The following XKR9 variants were observed in gnomAD, a reference collection of about 807,000 sequenced individuals.
XKR9 encodes XK related 9.
A neutral mutation model predicts 32.0 loss-of-function variants in XKR9; 32 were observed. The ratio of observed to expected loss-of-function variants is 1.00; its 90% confidence interval spans 0.76 to 1.34. XKR9 has a LOEUF of 1.34. Among genes scored for constraint, XKR9 ranks in the 40% most tolerant of loss-of-function variants. The pLI is 0.00. For missense variants in XKR9, 546 were observed against 429.7 expected (o/e 1.27, Z -2.39); for synonymous variants, 168 against 143.4 (o/e 1.17, Z -1.22).
chr8:70,936,307 C>G, the XKR9 span, among the ~76,000 whole-genome samples: 4 of 151,978 alleles, frequency 2.6e-5, no homozygotes, highest in African/African-American at 9.7e-5. Context: ...AGGTATTTCC[C>G]CAAGTTTACT....
chr8:71,023,108 T>C, the XKR9 span, among the ~76,000 whole-genome samples: 1 of 152,206 alleles, frequency 6.6e-6, no homozygotes, highest in East Asian at 1.9e-4. Flanking sequence ...ATTCTATACA[T>C]TTATTTTTTA....
At chr8:70,739,504 G>C (rs927873510), downstream of XKR9, among the ~76,000 whole-genome samples, 10 of 152,156 alleles carry the variant, frequency 6.6e-5, no homozygotes, top group African/African-American at 2.4e-4. Context: ...ATTTGATCCT[G>C]TCATTATGAT....
the XKR9 span, among the ~76,000 whole-genome samples, chr8:71,053,529 T>C: frequency 2.6e-5 from 4 of 152,198 alleles, no homozygotes; most frequent in Admixed American, 6.5e-5. Flanking sequence ...TCAGACTGAA[T>C]CTGAAAAATG....
the XKR9 span, among the ~76,000 whole-genome samples, chr8:70,984,883 A>G: frequency 1.3e-5 from 2 of 152,236 alleles, no homozygotes; most frequent in Admixed American, 6.5e-5. Context: ...GTAAAATGTA[A>G]CATCATGTCA....
At chr8:70,903,120 G>A in the XKR9 span, among the ~76,000 whole-genome samples, 253 of 152,006 alleles carry the variant, frequency 1.7e-3, 1 homozygote, top group Admixed American at 6.9e-3. Context: ...TTGTGGTTCC[G>A]CCAGGCTTTG....
chr8:71,019,800 T>G, the XKR9 span, among the ~76,000 whole-genome samples: 1 of 152,166 alleles, frequency 6.6e-6, no homozygotes, highest in South Asian at 2.1e-4. Context: ...TAAAATTGAC[T>G]CTGAAGGCTA....
chr8:70,823,588 A>G, the XKR9 span, among the ~76,000 whole-genome samples: 2 of 152,212 alleles, frequency 1.3e-5, no homozygotes, highest in Non-Finnish European at 2.9e-5. Context: ...ATCTTCAAGA[A>G]TTGAAATTCC....
At chr8:70,910,097 A>AGGG in the XKR9 span, among the ~76,000 whole-genome samples, 1 of 147,332 alleles carries the variant, frequency 6.8e-6, no homozygotes, top group African/African-American at 2.5e-5. Flanking sequence ...CCTGTGGGGA[A>AGGG]AAAAAAAAAA....
At chr8:70,835,484 G>C in the XKR9 span, among the ~76,000 whole-genome samples, 1 of 151,778 alleles carries the variant, frequency 6.6e-6, no homozygotes, top group Non-Finnish European at 1.5e-5. Flanking sequence ...TATAGTCTGG[G>C]GTCAATAATC....
At chr8:71,010,242 T>G in the XKR9 span, among the ~76,000 whole-genome samples, 1 of 152,220 alleles carries the variant, frequency 6.6e-6, no homozygotes, top group South Asian at 2.1e-4. Flanking sequence ...TACCTAGCCT[T>G]TCCCCTGAAT....
At chr8:70,763,589 T>C (rs1273061603) in intron 2 of XKR9, among the ~76,000 whole-genome samples, 1 of 152,234 alleles carries the variant, frequency 6.6e-6, no homozygotes, top group Non-Finnish European at 1.5e-5. Flanking sequence ...ATTCAGTTTA[T>C]AGGTGTTTGA....
the XKR9 span, among the ~76,000 whole-genome samples, chr8:70,841,118 T>A: frequency 0.011 from 1,692 of 152,216 alleles, 29 homozygotes; most frequent in African/African-American, 0.037. Flanking sequence ...AGATTTTTTT[T>A]AAAGAAAATA....
intron 3 of XKR9, among the ~76,000 whole-genome samples, chr8:70,682,488 A>G (rs1051806303): frequency 5.3e-5 from 8 of 152,222 alleles, no homozygotes; most frequent in Admixed American, 1.3e-4. Context: ...AAATTGTATT[A>G]TAAAAGAAAG....
At chr8:70,708,698 T>G (rs536447288) in intron 4 of XKR9, among the ~76,000 whole-genome samples, 41 of 152,120 alleles carry the variant, frequency 2.7e-4, no homozygotes, top group Admixed American at 3.3e-4. Flanking sequence ...GGTGGAGGAA[T>G]TATGAATGAT....
At position 70,693,073 on chromosome 8, in the gene XKR9, C is replaced by T. The variant is rs147581220; in HGVS notation, c.272+11743C>T. The stretch of plus-strand genomic sequence containing the variant: ...CATATGTTGAATCAACCTTGCATCC[C>T]GGGGCGAAACCTACTTGATCACGGT... On this transcript the variant is annotated intron_variant, in intron 3 of 4. Transcript: ENST00000408926. 1.3e-3 allele frequency among the ~76,000 whole-genome samples: 205 copies of T among 152,220 alleles called. 1 individual carries two copies. The highest frequency in any genetic ancestry group is 4.5e-3 in the African/African-American group (187 of 41,544).
At chr8:71,053,796 A>G in the XKR9 span, among the ~76,000 whole-genome samples, 41 of 152,338 alleles carry the variant, frequency 2.7e-4, no homozygotes, top group Admixed American at 9.8e-4. Context: ...TTAGTGGAAC[A>G]CAGGGAAGTG....
the XKR9 span, among the ~76,000 whole-genome samples, chr8:70,881,668 G>A: frequency 2.4e-3 from 367 of 152,278 alleles, 12 homozygotes; most frequent in East Asian, 0.058. Context: ...CTGTTGCTGG[G>A]ACTGTAAACT....
At chr8:70,955,363 T>G in the XKR9 span, among the ~76,000 whole-genome samples, 1 of 152,192 alleles carries the variant, frequency 6.6e-6, no homozygotes, top group Admixed American at 6.5e-5. Context: ...TATTATATAC[T>G]GACGATACCT....
At chr8:70,710,617 C>T (rs146494809) in intron 4 of XKR9, among the ~76,000 whole-genome samples, 65 of 152,196 alleles carry the variant, frequency 4.3e-4, no homozygotes, top group African/African-American at 1.4e-3. Flanking sequence ...GCAGGAGAAT[C>T]GCTTGAACCC....
Sources: allele counts gnomAD v4.1 joint callset (sites outside exome capture counted in the v4.1 genomes callset), GRCh38; gene constraint gnomAD v4.1.1; transcripts MANE v1.5; gene names NCBI Gene and HGNC (gene_info 2026-07-23, HGNC 2026-07-21).